Variants in ST18 observed in about 807,000 individuals in gnomAD.
The protein encoded by ST18 is ST18 C2H2C-type zinc finger transcription factor.
In ST18, 50 loss-of-function variants were observed where a neutral mutation model predicts 110.0. That is an observed-to-expected ratio of 0.45 (90% CI 0.36 to 0.58). The LOEUF (loss-of-function observed/expected upper bound fraction) is 0.58. Among genes scored for constraint, ST18 ranks in the 20% least tolerant of loss-of-function variants. The pLI, the probability that ST18 is intolerant of heterozygous loss-of-function variation, is 0.00. For missense variants in ST18, 1,306 were observed against 1,280.1 expected, an observed-to-expected ratio of 1.02 and a Z score of -0.31; for synonymous variants, 461 against 452.4, an observed-to-expected ratio of 1.02 and a Z score of -0.24.
At chr8:52,135,568 C>CAAAAAAAAAAA (rs71252929) in intron 19 of ST18, among the ~76,000 whole-genome samples, 1 of 56,164 alleles carries the variant, frequency 1.8e-5, no homozygotes, top group African/African-American at 5.6e-5. Context: ...AACTCCATCT[C>CAAAAAAAAAAA]AAAAAAAAAA....
chr8:52,320,106 C>CTA (rs911110347), intron 2 of ST18, among the ~76,000 whole-genome samples: 2 of 152,000 alleles, frequency 1.3e-5, no homozygotes, highest in African/African-American at 4.8e-5. Flanking sequence ...AAATCTGTCT[C>CTA]TATATATATG....
At chr8:52,400,709 C>T (rs1410844500) in intron 2 of ST18, among the ~76,000 whole-genome samples, 1 of 151,220 alleles carries the variant, frequency 6.6e-6, no homozygotes, top group South Asian at 2.1e-4. Context: ...GACTTTTAAC[C>T]TCTCCCCTGT....
chr8:52,304,444 A>T (rs2095782419), intron 2 of ST18, among the ~76,000 whole-genome samples: 1 of 152,150 alleles, frequency 6.6e-6, no homozygotes, highest in African/African-American at 2.4e-5. Context: ...TTAAGCAGTT[A>T]GATGGAATTT....
intron 2 of ST18, among the ~76,000 whole-genome samples, chr8:52,348,010 G>A (rs561789852): frequency 1.3e-5 from 2 of 152,226 alleles, no homozygotes; most frequent in Non-Finnish European, 2.9e-5. Context: ...TACAGATGAA[G>A]AAACTGAGGT....
At chr8:52,162,423 C>T (rs1289423155) in intron 13 of ST18, among the ~76,000 whole-genome samples, 1 of 152,168 alleles carries the variant, frequency 6.6e-6, no homozygotes, top group Non-Finnish European at 1.5e-5. Flanking sequence ...CTAAGAGGGG[C>T]AGTACAGACA....
At chr8:52,155,515 G>A (rs899409268) in intron 15 of ST18, among the ~76,000 whole-genome samples, 6 of 152,098 alleles carry the variant, frequency 3.9e-5, no homozygotes, top group Admixed American at 6.5e-5. Flanking sequence ...GATGGGAGCC[G>A]GCACTTGAGG....
chr8:52,364,679 C>A (rs116854822), intron 2 of ST18, among the ~76,000 whole-genome samples: 2,004 of 152,266 alleles, frequency 0.013, 24 homozygotes, highest in African/African-American at 0.028. Context: ...CAAGTTTAAT[C>A]ATCTTTTCTT....
intron 2 of ST18, among the ~76,000 whole-genome samples, chr8:52,367,522 G>C (rs910005710): frequency 6.6e-6 from 1 of 152,136 alleles, no homozygotes. Flanking sequence ...AATATATAAA[G>C]GTCATTGATG....
At chr8:52,370,025 C>T (rs1407209564) in intron 2 of ST18, among the ~76,000 whole-genome samples, 3 of 152,196 alleles carry the variant, frequency 2.0e-5, no homozygotes, top group Non-Finnish European at 2.9e-5. Context: ...AGAGCGTGGT[C>T]ACCCGCTCCT....
intron 8 of ST18, among the ~76,000 whole-genome samples, chr8:52,185,965 A>G (rs1024286264): frequency 2.6e-5 from 4 of 152,232 alleles, no homozygotes; most frequent in African/African-American, 9.6e-5. Context: ...ACTTTCATTT[A>G]TCAGAAGTTG....
intron 2 of ST18, among the ~76,000 whole-genome samples, chr8:52,359,974 A>C (rs2140430525): frequency 6.6e-6 from 1 of 152,308 alleles, no homozygotes; most frequent in South Asian, 2.1e-4. Flanking sequence ...AGCAAACCAA[A>C]TTCACATTGT....
intron 2 of ST18, among the ~76,000 whole-genome samples, chr8:52,258,601 T>C (rs750371335): frequency 9.6e-4 from 146 of 152,330 alleles, no homozygotes; most frequent in Non-Finnish European, 1.6e-3. Context: ...TTCTTAGCTC[T>C]ACATAGCATT....
intron 19 of ST18, among the ~76,000 whole-genome samples, chr8:52,136,001 A>G (rs557513939): frequency 6.6e-6 from 1 of 152,344 alleles, no homozygotes; most frequent in South Asian, 2.1e-4. Context: ...AAGGTAGACT[A>G]TAAATGTTTA....
intron 2 of ST18, among the ~76,000 whole-genome samples, chr8:52,330,376 G>A (rs1365504236): frequency 6.6e-6 from 1 of 152,122 alleles, no homozygotes; most frequent in Admixed American, 6.5e-5. Context: ...CCAGCTTTGA[G>A]AGACAAAAAA....
At position 52,178,648 on chromosome 8, in the gene ST18, C is replaced by CAAA. The variant is rs2068035729; in HGVS notation, c.277+1471_277+1473dup. On this transcript the variant is annotated intron_variant, in intron 9 of 25. Coordinates refer to ENST00000689386, the MANE Select transcript of ST18 (RefSeq NM_001352837.2). ...AAAAAAAAAAAAAAAAAAAAACCAC[C>CAAA]AAAAACCAAAATAAAACAAACAAAA... Among the ~76,000 whole-genome samples the CAAA allele has an allele frequency of 2.4e-4, 9 of 37,422 alleles. 3 individuals are homozygous for CAAA. The highest frequency in any genetic ancestry group is 5.9e-4 in the Admixed American group (2 of 3,380). The allele number at this position is 37,422 out of a possible 152,430, so 24.6% of individuals were successfully genotyped here. A position where few individuals can be genotyped will look rare whatever the true frequency, so the allele number is the denominator to read the frequency against.
intron 22 of ST18, among the ~76,000 whole-genome samples, chr8:52,130,167 A>AAG (rs768284443): frequency 1.2e-3 from 107 of 90,032 alleles, no homozygotes; most frequent in African/African-American, 3.8e-3. Flanking sequence ...AAGAAAGAAA[A>AAG]AGAAAAGAAA....
intron 2 of ST18, among the ~76,000 whole-genome samples, chr8:52,312,533 A>G (rs1270694139): frequency 6.6e-6 from 1 of 152,240 alleles, no homozygotes; most frequent in Non-Finnish European, 1.5e-5. Flanking sequence ...TCGATTCACC[A>G]GAAAGGATCC....
chr8:52,178,644 C>CAACAA (rs386418682), intron 9 of ST18, among the ~76,000 whole-genome samples: 4 of 61,616 alleles, frequency 6.5e-5, no homozygotes, highest in African/African-American at 2.1e-4. Flanking sequence ...AAAAAAAAAA[C>CAACAA]CACCAAAAAC....
At chr8:52,353,192 TTAA>T (rs910987223) in intron 2 of ST18, among the ~76,000 whole-genome samples, 1 of 152,208 alleles carries the variant, frequency 6.6e-6, no homozygotes, top group African/African-American at 2.4e-5. Flanking sequence ...GGGAGAATTC[TTAA>T]TAATAATAAT....
Sources: allele counts gnomAD v4.1 joint callset (sites outside exome capture counted in the v4.1 genomes callset), GRCh38; gene constraint gnomAD v4.1.1; transcripts MANE v1.5; gene names NCBI Gene and HGNC (gene_info 2026-07-23, HGNC 2026-07-21).